Variants in PCDHGB1 observed in about 807,000 individuals in gnomAD.
The protein encoded by PCDHGB1 is protocadherin gamma-B1.
A neutral mutation model predicts 56.6 loss-of-function variants in PCDHGB1; 34 were observed. The observed-to-expected ratio is 0.60, with a 90% CI of 0.46 to 0.80. PCDHGB1 has a LOEUF of 0.80. PCDHGB1 is among the 30% of genes least tolerant of loss of function. PCDHGB1 has a pLI of 0.00. For missense variants in PCDHGB1, 1,278 were observed against 1,204.6 expected (o/e 1.06, Z -0.90); for synonymous variants, 561 against 505.9 (o/e 1.11, Z -1.46).
At chr5:141,390,233 T>C (rs1388812754) in intron 1 of PCDHGB1, 1 of 1,614,068 alleles carries the variant, frequency 6.2e-7, no homozygotes, top group Non-Finnish European at 8.5e-7. Flanking sequence ...GTGATTCATC[T>C]GGGGCCTTAT....
In PCDHGB1 at chr5:141,399,258, G is replaced by T; in HGVS notation, c.2409+46589G>T. On this transcript the variant is annotated intron_variant, in intron 1 of 3. Coordinates refer to ENST00000523390, the MANE Select transcript of PCDHGB1 (RefSeq NM_018922.3). ...ACCAAGATTCTGGGGAAAATGGGGA[G>T]GTTAATTGTCAATTACAAGGCGAAG... 4 of 1,613,870 alleles carry T rather than the reference G, an allele frequency of 2.5e-6. No homozygotes were observed. Among genetic ancestry groups the T allele is most frequent in the East Asian group, 2.2e-5 (1 of 44,878 alleles).
At chr5:141,504,990 C>T (rs1056476591) in intron 2 of PCDHGB1, among the ~76,000 whole-genome samples, 3 of 151,976 alleles carry the variant, frequency 2.0e-5, no homozygotes, top group Non-Finnish European at 2.9e-5. Context: ...GGTGAAACCC[C>T]GTCTGTACTA....
chr5:141,397,639 G>A (rs1391771739), intron 1 of PCDHGB1, among the ~76,000 whole-genome samples: 2 of 152,180 alleles, frequency 1.3e-5, no homozygotes, highest in Non-Finnish European at 2.9e-5. Context: ...AGAGTTCAAG[G>A]TATGTTTGCA....
chr5:141,386,595 A>ATT lies in PCDHGB1; in HGVS notation c.2409+33937_2409+33938dup, dbSNP rs373179212. On this transcript the variant is annotated intron_variant, in intron 1 of 3. Transcript: ENST00000523390. Reference sequence around the variant, plus strand: ...CTCTGTACAATAGTGTGGGGGATACATTTTTTTTTTTTGACATGGAGTCTC... The same window carrying ATT: ...CTCTGTACAATAGTGTGGGGGATACATTTTTTTTTTTTTTGACATGGAGTCTC... 4.8e-5 allele frequency among the ~76,000 whole-genome samples: 7 copies of ATT among 146,172 alleles called. No individual in the cohort carries two copies. The East Asian group carries it at 9.9e-4, about 21-fold the overall frequency.
chr5:141,457,336 C>T (rs1032184011), intron 1 of PCDHGB1, among the ~76,000 whole-genome samples: 6 of 152,158 alleles, frequency 3.9e-5, no homozygotes, highest in Admixed American at 3.3e-4. Context: ...AGGTACCTTA[C>T]TTACTTTCAT....
chr5:141,369,694 A>G (rs925359882), intron 1 of PCDHGB1, among the ~76,000 whole-genome samples: 1 of 152,246 alleles, frequency 6.6e-6, no homozygotes, highest in Non-Finnish European at 1.5e-5. Flanking sequence ...AATAAAACTA[A>G]AAGCTATGAC....
Position 141,432,108 on chromosome 5 carries a change from C to T in PCDHGB1, c.2410-62699C>T, listed in dbSNP as rs1432933024. The T allele has an allele frequency of 1.9e-6, 3 of 1,614,180 alleles. No homozygotes were observed. The highest frequency in any genetic ancestry group is 1.7e-5 in the Admixed American group (1 of 60,020). Reference sequence around the variant, plus strand: ...GTGGCAGACACCAACGACAACCCGCCGGTCTTCCCTCAGGCCTCCTATTCC... The same window carrying T: ...GTGGCAGACACCAACGACAACCCGCTGGTCTTCCCTCAGGCCTCCTATTCC... On this transcript the variant is annotated intron_variant, in intron 1 of 3. Coordinates refer to ENST00000523390, the MANE Select transcript of PCDHGB1 (RefSeq NM_018922.3). The surrounding 1 kb of genome is among the most constrained non-coding windows in gnomAD (Gnocchi z 6.0).
intron 1 of PCDHGB1, chr5:141,399,446 A>G (rs2093810942): frequency 6.2e-7 from 1 of 1,613,826 alleles, no homozygotes; most frequent in South Asian, 1.1e-5. Flanking sequence ...CATATCAGAG[A>G]CGTCAACGAT....
Position 141,485,751 on chromosome 5 carries a change from A to G in PCDHGB1, c.2410-9056A>G. ...CGCAGCGACGGCAGCCTGGTCCCAG[A>G]GCTGCTCCTGGAGAAGCCTTTGGAT... is the stretch of plus-strand genomic sequence containing the variant. On this transcript the variant is annotated intron_variant, in intron 1 of 3. Coordinates refer to ENST00000523390, the MANE Select transcript of PCDHGB1 (RefSeq NM_018922.3). This position sits in a 1 kb window ranked among gnomAD's most constrained non-coding sequence, Gnocchi z 5.7. 6.2e-7 allele frequency: 1 copy of G among 1,614,166 alleles called. No individual in the cohort carries two copies. Among genetic ancestry groups the G allele is most frequent in the Non-Finnish European group, 8.5e-7 (1 of 1,179,998 alleles).
intron 1 of PCDHGB1, chr5:141,392,883 TGGGAAATC>T (rs1224904365): frequency 3.1e-6 from 5 of 1,613,518 alleles, no homozygotes; most frequent in Non-Finnish European, 4.2e-6. Flanking sequence ...GGGAACGCTG[TGGGAAATC>T]GGGAGGGGAC....
At chr5:141,414,821 A>G (rs1321959107) in intron 1 of PCDHGB1, 1 of 1,614,226 alleles carries the variant, frequency 6.2e-7, no homozygotes, top group South Asian at 1.1e-5. Flanking sequence ...CTCAGCAGCA[A>G]CGTGTCGTTG....
intron 1 of PCDHGB1, among the ~76,000 whole-genome samples, chr5:141,457,517 TTAA>T (rs1261688593): frequency 6.6e-6 from 1 of 152,196 alleles, no homozygotes; most frequent in Non-Finnish European, 1.5e-5. Flanking sequence ...TTAAAAACAA[TTAA>T]TGAGACTAGG....
At chr5:141,423,327 A>G in intron 1 of PCDHGB1, 1 of 1,614,100 alleles carries the variant, frequency 6.2e-7, no homozygotes, top group Non-Finnish European at 8.5e-7. Flanking sequence ...CGGTGGCCGC[A>G]GTCTCCTGCA....
chr5:141,388,310 A>G, intron 1 of PCDHGB1: 1 of 1,613,880 alleles, frequency 6.2e-7, no homozygotes, highest in Non-Finnish European at 8.5e-7. Flanking sequence ...AGCTGCAAAT[A>G]AGTGAGTCTG....
At chr5:141,355,098 C>G (rs1561507721) in intron 1 of PCDHGB1, 1 of 1,495,944 alleles carries the variant, frequency 6.7e-7, no homozygotes, top group East Asian at 2.3e-5. Flanking sequence ...CCTGAGAGCT[C>G]TGGCTGTGAA....
In PCDHGB1 at chr5:141,351,987, G is replaced by T. The variant is rs1399569045; in HGVS notation, c.1727G>T (p.Arg576Leu). The T allele has an allele frequency of 3.7e-6, 6 of 1,611,016 alleles. No homozygotes were observed. Among genetic ancestry groups the T allele is most frequent in the Non-Finnish European group, 4.2e-6 (5 of 1,179,544 alleles). ...DGSALFDMVP[R>L]AAEPGYLVTK... Reference sequence around the variant, plus strand: ...TCCGCCCTCTTCGATATGGTGCCACGCGCCGCAGAGCCCGGCTACCTGGTG... The same window carrying T: ...TCCGCCCTCTTCGATATGGTGCCACTCGCCGCAGAGCCCGGCTACCTGGTG... The change falls in exon 1 of 4, where the codon CGC becomes CTC. Residue 576 changes from arginine (R) to leucine (L), a missense_variant. Physicochemically the swap from Arg to Leu is moderately radical, Grantham distance 102 (BLOSUM62 -2). Coordinates refer to ENST00000523390, the MANE Select transcript of PCDHGB1 (RefSeq NM_018922.3).
intron 1 of PCDHGB1, chr5:141,399,634 A>C: frequency 6.2e-7 from 1 of 1,613,860 alleles, no homozygotes; most frequent in East Asian, 2.2e-5. Context: ...TTACGTGTCC[A>C]TGAGCGCGCA....
chr5:141,403,626 C>T, intron 1 of PCDHGB1: 1 of 1,613,910 alleles, frequency 6.2e-7, no homozygotes, highest in Non-Finnish European at 8.5e-7. Context: ...CGCTCCAGCA[C>T]AGTGCGCATC....
rs375834520 is a variant in PCDHGB1, at chr5:141,389,526, G to A, written c.2409+36857G>A. 145 of 1,613,070 alleles carry A rather than the reference G, an allele frequency of 9.0e-5. No homozygotes were observed. Among genetic ancestry groups the A allele is most frequent in the Non-Finnish European group, 1.2e-4 (141 of 1,179,758 alleles). ...GCTCAGCGCGAACGTGAGCCTGCGC[G>A]TGTTAGTGGACGACCGCAACGACAA... On this transcript the variant is annotated intron_variant, in intron 1 of 3. Coordinates refer to ENST00000523390, the MANE Select transcript of PCDHGB1 (RefSeq NM_018922.3).
Sources: gnomAD v4.1 joint callset for allele counts (sites outside exome capture counted in the v4.1 genomes callset) on GRCh38, gnomAD v4.1.1 for gene constraint, Gnocchi (gnomAD v3.1) non-coding constraint, MANE v1.5 for transcripts, NCBI Gene and HGNC (gene_info 2026-07-23, HGNC 2026-07-21) for gene names.